PHF24: variants seen among roughly 807,000 people sequenced by gnomAD.
PHF24 encodes the protein Galpha inhibitory interacting protein.
In PHF24, 25 loss-of-function variants were observed where a neutral mutation model predicts 42.6. The ratio of observed to expected loss-of-function variants is 0.59; its 90% CI spans 0.43 to 0.82. The LOEUF (loss-of-function observed/expected upper bound fraction) is 0.82. Among genes scored for constraint, PHF24 ranks in the 40% least tolerant of loss-of-function variants. The probability of loss-of-function intolerance (pLI) is 0.00; values close to 1 mark genes in which losing one functional copy is unlikely to be tolerated. For synonymous variants in PHF24, 185 were observed against 204.8 expected (o/e 0.90, Z 0.83); for missense variants, 470 against 538.1 (o/e 0.87, Z 1.25).
At chr9:34,893,228 C>G in the PHF24 span, 1 of 453,462 alleles carries the variant, frequency 2.2e-6, no homozygotes, top group African/African-American at 2.0e-5. Flanking sequence ...CCGGGGTTGG[C>G]ATTGTCCTTT....
the PHF24 span, among the ~76,000 whole-genome samples, chr9:34,938,773 C>CAAA: frequency 7.7e-5 from 11 of 143,032 alleles, no homozygotes; most frequent in African/African-American, 2.9e-4. Flanking sequence ...ACTAAAAATA[C>CAAA]AAAAAAAAAA....
chr9:34,810,145 C>A, the PHF24 span, among the ~76,000 whole-genome samples: 1 of 151,982 alleles, frequency 6.6e-6, no homozygotes, highest in East Asian at 1.9e-4. Flanking sequence ...AGTCCGCCGG[C>A]CCCGGACGGC....
chr9:34,719,330 C>A, the PHF24 span, among the ~76,000 whole-genome samples: 3 of 152,176 alleles, frequency 2.0e-5, no homozygotes, highest in Non-Finnish European at 4.4e-5. Context: ...GGAGCCACAG[C>A]GCCTGGCCTG....
the PHF24 span, among the ~76,000 whole-genome samples, chr9:34,928,632 T>C: frequency 6.6e-6 from 1 of 152,190 alleles, no homozygotes. Flanking sequence ...TCAGCCCTTA[T>C]AGAATTGTTC....
At chr9:34,867,998 A>C in the PHF24 span, among the ~76,000 whole-genome samples, 1 of 152,226 alleles carries the variant, frequency 6.6e-6, no homozygotes, top group African/African-American at 2.4e-5. Context: ...TGATTTTGGT[A>C]GTGATGGTCT....
the PHF24 span, among the ~76,000 whole-genome samples, chr9:34,679,499 G>A: frequency 5.3e-5 from 8 of 152,292 alleles, no homozygotes; most frequent in Admixed American, 3.9e-4. Context: ...GGCGGATCAC[G>A]AGGTCAGGAG....
the PHF24 span, chr9:34,723,317 G>C: frequency 6.4e-7 from 1 of 1,551,744 alleles, no homozygotes; most frequent in South Asian, 1.2e-5. Flanking sequence ...GGCTGAGGCA[G>C]AGCCAGGTTG....
chr9:34,835,625 C>G, the PHF24 span: 2 of 1,551,686 alleles, frequency 1.3e-6, no homozygotes, highest in Non-Finnish European at 8.7e-7. Flanking sequence ...CTTGGCTTGT[C>G]AAGCCTTGAA....
chr9:34,725,690 G>A, the PHF24 span: 2 of 1,521,192 alleles, frequency 1.3e-6, no homozygotes, highest in Non-Finnish European at 1.8e-6. Flanking sequence ...TTCATACTCA[G>A]CCAGAGTCAG....
the PHF24 span, among the ~76,000 whole-genome samples, chr9:34,814,434 C>T: frequency 6.6e-6 from 1 of 152,206 alleles, no homozygotes; most frequent in Non-Finnish European, 1.5e-5. Context: ...AATGTCTACT[C>T]ATGAACAAAG....
At chr9:34,922,037 T>G in the PHF24 span, 7 of 772,278 alleles carry the variant, frequency 9.1e-6, no homozygotes, top group African/African-American at 1.2e-4. Flanking sequence ...ATATTAAACA[T>G]AAAAACCACG....
the PHF24 span, among the ~76,000 whole-genome samples, chr9:34,756,702 C>T: frequency 6.6e-6 from 1 of 151,954 alleles, no homozygotes; most frequent in African/African-American, 2.4e-5. Context: ...TCGAGGTCTT[C>T]TATGGTTGCA....
At chr9:34,755,967 G>T in the PHF24 span, among the ~76,000 whole-genome samples, 3 of 152,072 alleles carry the variant, frequency 2.0e-5, no homozygotes, top group African/African-American at 7.2e-5. Context: ...TGCTCTTGTT[G>T]CCTGTGCTTT....
At chr9:34,766,904 A>G in the PHF24 span, among the ~76,000 whole-genome samples, 3 of 152,076 alleles carry the variant, frequency 2.0e-5, no homozygotes, top group Non-Finnish European at 2.9e-5. Flanking sequence ...TCTGTTCGTT[A>G]GTTTTCCTTC....
chr9:34,807,718 G>T, the PHF24 span, among the ~76,000 whole-genome samples: 1 of 152,108 alleles, frequency 6.6e-6, no homozygotes, highest in Non-Finnish European at 1.5e-5. Context: ...GATCTATATT[G>T]TCTTGATACA....
chr9:34,716,494 A>G, the PHF24 span, among the ~76,000 whole-genome samples: 3 of 152,156 alleles, frequency 2.0e-5, no homozygotes, highest in African/African-American at 7.2e-5. Context: ...ATCTTAATCC[A>G]AGGAGATAAA....
chr9:34,672,414 A>G, the PHF24 span, among the ~76,000 whole-genome samples: 1 of 152,212 alleles, frequency 6.6e-6, no homozygotes, highest in African/African-American at 2.4e-5. Flanking sequence ...TCTTGCTACT[A>G]GAAGAGCACC....
At chr9:34,713,555 G>A in the PHF24 span, among the ~76,000 whole-genome samples, 6,178 of 152,154 alleles carry the variant, frequency 0.041, 420 homozygotes, top group African/African-American at 0.14. Context: ...TGAAAGAGTC[G>A]ATTCCAATTG....
At chr9:34,962,357 CTT>C (rs113570241) in intron 1 of PHF24, among the ~76,000 whole-genome samples, 2 of 143,484 alleles carry the variant, frequency 1.4e-5, no homozygotes, top group Admixed American at 7.0e-5. Context: ...TCCTGGAATG[CTT>C]TTTTTTTTTT....
Sources: gnomAD v4.1 joint callset for allele counts (sites outside exome capture counted in the v4.1 genomes callset) on GRCh38, gnomAD v4.1.1 for gene constraint, MANE v1.5 for transcripts, NCBI Gene and HGNC (gene_info 2026-07-23, HGNC 2026-07-21) for gene names.